The following SMARCAL1 variants were observed in gnomAD, a reference collection of about 807,000 sequenced individuals.
The protein encoded by SMARCAL1 is SNF2 related chromatin remodeling annealing helicase 1.
SMARCAL1 carries 58 observed loss-of-function variants against 94.5 expected under a neutral mutation model. The ratio of observed to expected loss-of-function variants is 0.61; its 90% confidence interval spans 0.50 to 0.76. The LOEUF is 0.76. Among genes scored for constraint, SMARCAL1 ranks in the 30% least tolerant of loss-of-function variants. The pLI is 0.00. For synonymous variants in SMARCAL1, 422 were observed against 455.1 expected (o/e 0.93, Z 0.93); for missense variants, 1,051 against 1,177.9 (o/e 0.89, Z 1.58).
Position 216,428,631 on chromosome 2 carries a change from GACCCTCTGCCC to G in SMARCAL1, c.1186_1196del (p.Pro396AspfsTer28), listed in dbSNP as rs1693892855. 1 of 1,613,924 alleles carries G rather than the reference GACCCTCTGCCC, an allele frequency of 6.2e-7. No homozygotes were observed. The highest frequency in any genetic ancestry group is 1.3e-5 in the African/African-American group (1 of 74,900). Reference sequence around the variant, plus strand: ...GCGCTGCCTCCCACAAGTTCAGCTGGACCCTCTGCCCACGACTCTCACCCTGGCGTTTGCTT... The same window carrying G: ...GCGCTGCCTCCCACAAGTTCAGCTGGACGACTCTCACCCTGGCGTTTGCTT... On this transcript the variant is annotated frameshift_variant, in exon 7 of 18. Coordinates refer to ENST00000357276, the MANE Select transcript of SMARCAL1 (RefSeq NM_014140.4). LOFTEE classifies it high-confidence loss of function.
At chr2:216,481,382 G>T (rs1695194961) in intron 17 of SMARCAL1, among the ~76,000 whole-genome samples, 1 of 152,108 alleles carries the variant, frequency 6.6e-6, no homozygotes, top group South Asian at 2.1e-4. Flanking sequence ...TTTTGATAGA[G>T]ATGGGGTTTT....
intron 11 of SMARCAL1, among the ~76,000 whole-genome samples, chr2:216,447,707 G>T (rs750108590): frequency 2.6e-5 from 4 of 152,144 alleles, no homozygotes; most frequent in Admixed American, 2.6e-4. Context: ...GTAGATTGAG[G>T]AGCCTGATCC....
chr2:216,445,735 G>A (rs1694299975), intron 10 of SMARCAL1, among the ~76,000 whole-genome samples: 1 of 152,194 alleles, frequency 6.6e-6, no homozygotes, highest in African/African-American at 2.4e-5. Context: ...TAATTGAACT[G>A]TGGAAAATTA....
intron 12 of SMARCAL1, among the ~76,000 whole-genome samples, chr2:216,463,676 G>A (rs1039192427): frequency 2.6e-5 from 4 of 152,162 alleles, no homozygotes; most frequent in Admixed American, 6.5e-5. Context: ...AGAAAACACC[G>A]TTTCTTCTTC....
At chr2:216,416,809 G>A (rs1368642471) in intron 4 of SMARCAL1, among the ~76,000 whole-genome samples, 1 of 152,212 alleles carries the variant, frequency 6.6e-6, no homozygotes, top group East Asian at 1.9e-4. Context: ...GATCCTCAGA[G>A]TACTCTCTGT....
intron 6 of SMARCAL1, among the ~76,000 whole-genome samples, chr2:216,428,356 A>G (rs541009026): frequency 2.6e-4 from 40 of 152,300 alleles, no homozygotes; most frequent in African/African-American, 7.2e-4. Context: ...AGGTGAGACT[A>G]CATTCTTTCA....
intron 14 of SMARCAL1, among the ~76,000 whole-genome samples, chr2:216,474,128 C>CTTTTTTTTTTTT (rs1182416023): frequency 2.9e-4 from 19 of 64,926 alleles, no homozygotes; most frequent in African/African-American, 9.3e-4. Context: ...GTATAGCATT[C>CTTTTTTTTTTTT]TTTTTTTTTT....
At position 216,415,177 on chromosome 2, in the gene SMARCAL1, C is replaced by G; in HGVS notation, c.473C>G (p.Pro158Arg). The change falls in exon 3 of 18, where the codon CCC becomes CGC. Residue 158 changes from proline to arginine, a missense_variant. Pro to Arg is a moderately radical substitution (Grantham distance 103). This residue lies in a region of SMARCAL1 where 398 missense variants were observed against 395.2 expected (regional missense o/e 1.01). Coordinates refer to ENST00000357276, the MANE Select transcript of SMARCAL1 (RefSeq NM_014140.4). ...AQASPEIRFT[P>R]FANPTHKPLA... ...GCTTCACCTGAGATCAGGTTCACAC[C>G]CTTTGCTAACCCAACTCATAAGCCT... The G allele has an allele frequency of 6.2e-7, 1 of 1,613,504 alleles. No individual in the cohort carries two copies. The highest frequency in any genetic ancestry group is 1.3e-5 in the African/African-American group (1 of 74,944).
At chr2:216,457,401 A>ACACCC in intron 12 of SMARCAL1, among the ~76,000 whole-genome samples, 1 of 152,332 alleles carries the variant, frequency 6.6e-6, no homozygotes, top group South Asian at 2.1e-4. Context: ...TCTCAGCACC[A>ACACCC]CACCGTACTT....
chr2:216,434,658 A>C (rs938304283), intron 8 of SMARCAL1, among the ~76,000 whole-genome samples: 4 of 148,204 alleles, frequency 2.7e-5, no homozygotes, highest in Non-Finnish European at 3.0e-5. Context: ...CAACATACTG[A>C]GACCCATCTC....
At chr2:216,452,073 A>C (rs187860564) in intron 12 of SMARCAL1, among the ~76,000 whole-genome samples, 1 of 152,340 alleles carries the variant, frequency 6.6e-6, no homozygotes, top group Admixed American at 6.5e-5. Context: ...GCAAATTTTC[A>C]AGCTGTATTG....
intron 8 of SMARCAL1, among the ~76,000 whole-genome samples, chr2:216,434,267 C>T (rs565706615): frequency 6.6e-6 from 1 of 152,170 alleles, no homozygotes; most frequent in Non-Finnish European, 1.5e-5. Flanking sequence ...ACAGTGTCAC[C>T]CCATGTGAGG....
rs1003368173 is a variant in SMARCAL1 at position 216,478,069 on chromosome 2, C to T, written c.2529-134C>T. ...GCAAATTTTTCAAGATGGGTGTTTGCACCTTGAGAGATGCAGAGATGTGAA... is the reference window on the plus strand; with the variant it reads ...GCAAATTTTTCAAGATGGGTGTTTGTACCTTGAGAGATGCAGAGATGTGAA... On this transcript the variant is annotated intron_variant, in intron 16 of 17. Transcript: ENST00000357276. 4.9e-6 allele frequency: 4 copies of T among 810,918 alleles called. No homozygotes were observed. In the African/African-American group the frequency reaches 6.7e-5, roughly 14 times the overall value. 50.2% of individuals were successfully genotyped at this position (810,918 alleles called of 1,614,324 possible). A position where few individuals can be genotyped will look rare whatever the true frequency, so the allele number is the denominator to read the frequency against.
intron 8 of SMARCAL1, 112 bp from the exon 9 acceptor site, chr2:216,435,226 G>A (rs1694055732): frequency 8.8e-7 from 1 of 1,142,656 alleles, no homozygotes; most frequent in Non-Finnish European, 1.3e-6. Flanking sequence ...ACAGGTAGGT[G>A]AGAGGAAGGT....
At chr2:216,414,288 G>A in intron 2 of SMARCAL1, 1 of 181,794 alleles carries the variant, frequency 5.5e-6, no homozygotes, top group Non-Finnish European at 1.2e-5. Context: ...CTCCCAAGTA[G>A]CTGGGATTAC....
intron 12 of SMARCAL1, among the ~76,000 whole-genome samples, chr2:216,455,433 A>G (rs1310314611): frequency 2.6e-5 from 4 of 152,216 alleles, no homozygotes; most frequent in Non-Finnish European, 5.9e-5. Context: ...TGAGTTGCCT[A>G]ACTGGGACAC....
In SMARCAL1 at chr2:216,416,318, A is replaced by G. The variant is rs1574444669; in HGVS notation, c.862+11A>G. The stretch of plus-strand genomic sequence containing the variant: ...ACTATAGTGCCCTGAGTAAGTAGAC[A>G]CATGGTTGTCTCATGGAGGGTGGCA... On this transcript the variant is annotated intron_variant, in intron 4 of 17. Transcript: ENST00000357276. 1 of 1,610,408 alleles carries G rather than the reference A, an allele frequency of 6.2e-7. No homozygotes were observed. Among genetic ancestry groups the G allele is most frequent in the East Asian group, 2.2e-5 (1 of 44,840 alleles).
intron 6 of SMARCAL1, chr2:216,427,180 T>G (rs572224949): frequency 6.6e-6 from 1 of 152,234 alleles, no homozygotes; most frequent in Non-Finnish European, 1.5e-5. Context: ...AAATGACTTC[T>G]AGATGACTCA....
chr2:216,463,858 C>T (rs553190871), intron 12 of SMARCAL1, among the ~76,000 whole-genome samples: 1 of 152,246 alleles, frequency 6.6e-6, no homozygotes, highest in South Asian at 2.1e-4. Context: ...GCCTGGCCAA[C>T]ATGGTGAAAC....
Sources: allele counts gnomAD v4.1 joint callset (sites outside exome capture counted in the v4.1 genomes callset), GRCh38; gene constraint gnomAD v4.1.1; regional missense constraint gnomAD v4.1.1; transcripts MANE v1.5; gene names NCBI Gene and HGNC (gene_info 2026-07-23, HGNC 2026-07-21).